KIF13B: variants seen among roughly 807,000 people sequenced by gnomAD.
KIF13B encodes kinesin family member 13B, also known as kinesin-like protein KIF13B.
In KIF13B, 127 loss-of-function variants were observed where a neutral mutation model predicts 222.0. The observed-to-expected ratio is 0.57, with a 90% CI of 0.50 to 0.66. The LOEUF is 0.66. Ranked by LOEUF, KIF13B falls within the 30% of genes least tolerant of loss-of-function variation. The pLI is 0.00. For missense variants in KIF13B, 2,173 were observed against 2,379.0 expected (o/e 0.91, Z 1.80); for synonymous variants, 976 against 919.0 (o/e 1.06, Z -1.12).
intron 14 of KIF13B, 128 bp from the exon 15 acceptor site, chr8:29,150,511 G>A: frequency 1.7e-6 from 1 of 572,050 alleles, no homozygotes; most frequent in Non-Finnish European, 3.1e-6. Context: ...CCTGTTCTTG[G>A]TGAATTTTAA....
chr8:29,115,932 G>A (rs1280530533), intron 31 of KIF13B, among the ~76,000 whole-genome samples: 2 of 152,276 alleles, frequency 1.3e-5, no homozygotes, highest in African/African-American at 2.4e-5. Flanking sequence ...CCGACTCCCT[G>A]GGGCTGAATT....
intron 2 of KIF13B, among the ~76,000 whole-genome samples, chr8:29,203,761 G>A (rs936325393): frequency 1.3e-5 from 2 of 151,956 alleles, no homozygotes; most frequent in African/African-American, 4.8e-5. Context: ...GGGCATTGTG[G>A]TGCATGCCTG....
chr8:29,145,076 T>G (rs1337461588), intron 18 of KIF13B, among the ~76,000 whole-genome samples: 1 of 152,250 alleles, frequency 6.6e-6, no homozygotes, highest in Non-Finnish European at 1.5e-5. Context: ...AACTAGGCCC[T>G]GAACCTTCTC....
rs1396154060 is a variant in KIF13B at position 29,142,211 on chromosome 8, C to T, written c.2280G>A (p.Leu760=). Residue 760 remains leucine, a synonymous_variant, in exon 19 of 40, where the codon CTG becomes CTA. Coordinates refer to ENST00000524189, the MANE Select transcript of KIF13B (RefSeq NM_015254.4). The part of the protein sequence containing the change: ...IWSLEKLDNR[L]LDMRDLYQEW... ...CCTGATAAAGGTCTCTCATATCCAACAGCCTGTTGTCCAGTTTTTCCAAAG... is the reference window on the plus strand; with the variant it reads ...CCTGATAAAGGTCTCTCATATCCAATAGCCTGTTGTCCAGTTTTTCCAAAG... 1 of 1,613,590 alleles carries T rather than the reference C, an allele frequency of 6.2e-7. No individual in the cohort carries two copies. Among genetic ancestry groups the T allele is most frequent in the Admixed American group, 1.7e-5 (1 of 60,020 alleles).
intron 36 of KIF13B, among the ~76,000 whole-genome samples, chr8:29,096,037 G>A (rs1188030523): frequency 7.3e-5 from 11 of 150,008 alleles, no homozygotes; most frequent in African/African-American, 2.7e-4. Context: ...ACTGGAGTGC[G>A]ATGGCGTGAT....
intron 2 of KIF13B, 131 bp downstream of exon 2, chr8:29,245,215 C>T (rs1815968131): frequency 1.5e-6 from 1 of 683,886 alleles, no homozygotes; most frequent in Non-Finnish European, 2.6e-6. Flanking sequence ...TGAGTACAGG[C>T]TCACAGAAGA....
At chr8:29,187,467 G>A (rs1812988507) in intron 5 of KIF13B, among the ~76,000 whole-genome samples, 1 of 152,196 alleles carries the variant, frequency 6.6e-6, no homozygotes, top group African/African-American at 2.4e-5. Flanking sequence ...GGAGGCAGAG[G>A]CTGCAATGAG....
At chr8:29,186,600 T>C (rs1168448496) in intron 5 of KIF13B, 128 bp from the exon 6 acceptor site, 3 of 662,548 alleles carry the variant, frequency 4.5e-6, no homozygotes, top group Non-Finnish European at 7.5e-6. Context: ...CCAAATATAA[T>C]GAGAATAATA....
At chr8:29,178,118 G>A (rs1812557912) in intron 8 of KIF13B, among the ~76,000 whole-genome samples, 1 of 152,092 alleles carries the variant, frequency 6.6e-6, no homozygotes, top group Non-Finnish European at 1.5e-5. Flanking sequence ...CAGGAAAACA[G>A]TGCCTCCAAA....
At chr8:29,133,168 G>A (rs1247508225) in intron 22 of KIF13B, among the ~76,000 whole-genome samples, 3 of 152,140 alleles carry the variant, frequency 2.0e-5, no homozygotes, top group East Asian at 1.9e-4. Flanking sequence ...AAAGACTTGG[G>A]GACCCAATAG....
At chr8:29,151,233 G>C (rs1811284104) in intron 14 of KIF13B, among the ~76,000 whole-genome samples, 1 of 152,194 alleles carries the variant, frequency 6.6e-6, no homozygotes, top group Non-Finnish European at 1.5e-5. Context: ...TATGAACTGG[G>C]AGAAGTGAGG....
rs561870235 is a variant in KIF13B, at chr8:29,253,381, T to A, written c.56-7942A>T. ...AAATAATCCTATGTGACCAAAAACA[T>A]AAAATGTTCATACTCAAGAAATGAA... On this transcript the variant is annotated intron_variant, in intron 1 of 39. Coordinates refer to ENST00000524189, the MANE Select transcript of KIF13B (RefSeq NM_015254.4). Among the ~76,000 whole-genome samples the A allele has an allele frequency of 2.4e-4, 36 of 151,538 alleles. 1 individual carries two copies. In the South Asian group the frequency reaches 5.6e-3, roughly 24 times the overall value.
At position 29,072,000 on chromosome 8, in the gene KIF13B, G is replaced by A; in HGVS notation, c.4838C>T (p.Pro1613Leu). 1 of 1,292,800 alleles carries A rather than the reference G, an allele frequency of 7.7e-7. No homozygotes were observed. Among genetic ancestry groups the A allele is most frequent in the Non-Finnish European group, 9.8e-7 (1 of 1,023,338 alleles). The allele number at this position is 1,292,800 out of a possible 1,614,324, so 80.1% of individuals were successfully genotyped here. A position where few individuals can be genotyped will look rare whatever the true frequency, so the allele number is the denominator to read the frequency against. Residue 1613 changes from proline (P) to leucine (L), a missense_variant, in exon 39 of 40, where the codon CCC (proline) becomes CTC (leucine). Coordinates refer to ENST00000524189, the MANE Select transcript of KIF13B (RefSeq NM_015254.4). The surrounding 1 kb of genome is among the most constrained non-coding windows in gnomAD (Gnocchi z 4.9). ...PEAPISHPPP[P>L]TAVPAEEPPG... Reference sequence around the variant, plus strand: ...GGGCTCCTCGGCGGGGACGGCCGTGGGCGGTGGGGGGTGGCTGATGGGCGC... The same window carrying A: ...GGGCTCCTCGGCGGGGACGGCCGTGAGCGGTGGGGGGTGGCTGATGGGCGC...
intron 12 of KIF13B, among the ~76,000 whole-genome samples, chr8:29,162,154 G>C (rs1201682265): frequency 6.6e-6 from 1 of 152,094 alleles, no homozygotes; most frequent in Non-Finnish European, 1.5e-5. Context: ...TTCGACTATG[G>C]GTAAATAGCA....
chr8:29,182,687 C>G (rs1812761672), intron 6 of KIF13B, among the ~76,000 whole-genome samples: 1 of 151,016 alleles, frequency 6.6e-6, no homozygotes, highest in African/African-American at 2.4e-5. Context: ...AGATAGCATA[C>G]TTAATAATAT....
chr8:29,225,182 G>A (rs1814965871), intron 2 of KIF13B, among the ~76,000 whole-genome samples: 1 of 152,218 alleles, frequency 6.6e-6, no homozygotes, highest in Non-Finnish European at 1.5e-5. Context: ...GTGTGGGAAG[G>A]CAGAAAGGCA....
At chr8:29,074,373 A>C (rs1346266046) in intron 38 of KIF13B, among the ~76,000 whole-genome samples, 1 of 152,252 alleles carries the variant, frequency 6.6e-6, no homozygotes, top group Admixed American at 6.5e-5. Flanking sequence ...GGTGGAAAGC[A>C]CAGACTGGCA....
intron 21 of KIF13B, among the ~76,000 whole-genome samples, chr8:29,135,346 G>A (rs946268284): frequency 6.6e-6 from 1 of 152,014 alleles, no homozygotes; most frequent in African/African-American, 2.4e-5. Context: ...TGCCTGGCGT[G>A]GTTTGATTTT....
At chr8:29,183,168 GTTTT>G (rs58034349) in intron 6 of KIF13B, among the ~76,000 whole-genome samples, 23 of 117,690 alleles carry the variant, frequency 2.0e-4, no homozygotes, top group East Asian at 7.5e-4. Context: ...CTTAAAGTTT[GTTTT>G]TTTTTTTTTT....
Sources: gnomAD v4.1 joint callset for allele counts (sites outside exome capture counted in the v4.1 genomes callset) on GRCh38, gnomAD v4.1.1 for gene constraint, Gnocchi (gnomAD v3.1) non-coding constraint, MANE v1.5 for transcripts, NCBI Gene and HGNC (gene_info 2026-07-23, HGNC 2026-07-21) for gene names.